CDH4: variants seen among roughly 807,000 people sequenced by gnomAD.
CDH4 encodes the protein cadherin 4, also known as cadherin-4.
Under a neutral mutation model 86.0 loss-of-function variants are expected in CDH4, and 33 were observed. The observed-to-expected ratio is 0.38, with a 90% CI of 0.29 to 0.51. CDH4 has a LOEUF of 0.51. Among genes scored for constraint, CDH4 ranks in the 20% least tolerant of loss-of-function variants. CDH4 has a pLI of 0.86. For missense variants in CDH4, 1,114 were observed against 1,307.4 expected (o/e 0.85, Z 2.28); for synonymous variants, 555 against 549.4 (o/e 1.01, Z -0.14).
intron 2 of CDH4, among the ~76,000 whole-genome samples, chr20:61,603,893 G>A (rs895920896): frequency 6.6e-6 from 1 of 152,140 alleles, no homozygotes; most frequent in African/African-American, 2.4e-5. Context: ...GTAAGCCCTG[G>A]GAGTGTTCAT....
At chr20:61,861,160 A>G (rs1342473304) in intron 6 of CDH4, among the ~76,000 whole-genome samples, 1 of 152,168 alleles carries the variant, frequency 6.6e-6, no homozygotes, top group East Asian at 1.9e-4. Context: ...GTCTCCACCG[A>G]CGATCCCTGC....
At chr20:61,675,355 C>T (rs1262543254) in intron 2 of CDH4, among the ~76,000 whole-genome samples, 1 of 61,982 alleles carries the variant, frequency 1.6e-5, no homozygotes, top group African/African-American at 6.7e-5. Context: ...AAACAACCAT[C>T]GTAGGGGCTG....
chr20:61,670,550 G>T (rs898364330), intron 2 of CDH4, among the ~76,000 whole-genome samples: 1 of 152,198 alleles, frequency 6.6e-6, no homozygotes, highest in South Asian at 2.1e-4. Context: ...AATACTGGAG[G>T]TACCATTGCC....
intron 2 of CDH4, among the ~76,000 whole-genome samples, chr20:61,661,091 G>A (rs1023587595): frequency 6.9e-6 from 1 of 144,054 alleles, no homozygotes; most frequent in East Asian, 2.0e-4. Context: ...TGGCGGGGGG[G>A]GGGGAGACAC....
chr20:61,479,485 A>G (rs886733652), intron 2 of CDH4, among the ~76,000 whole-genome samples: 2 of 152,026 alleles, frequency 1.3e-5, no homozygotes, highest in African/African-American at 2.4e-5. Context: ...GTTTGCTGCT[A>G]TAAAGACACA....
At chr20:61,256,130 G>A (rs1210653853) in intron 2 of CDH4, among the ~76,000 whole-genome samples, 1 of 152,150 alleles carries the variant, frequency 6.6e-6, no homozygotes, top group East Asian at 1.9e-4. Context: ...GTTAGAACGG[G>A]TAGGCCATTT....
At chr20:61,868,203 G>A (rs968055793) in intron 6 of CDH4, among the ~76,000 whole-genome samples, 5 of 152,224 alleles carry the variant, frequency 3.3e-5, no homozygotes, top group African/African-American at 9.6e-5. Context: ...GGGGTGCAGA[G>A]GGGGTTCGTC....
intron 2 of CDH4, among the ~76,000 whole-genome samples, chr20:61,647,732 T>C (rs1390900219): frequency 6.6e-6 from 1 of 152,072 alleles, no homozygotes; most frequent in African/African-American, 2.4e-5. Context: ...TGTGGGGTGC[T>C]TGCTCTGTAG....
intron 2 of CDH4, among the ~76,000 whole-genome samples, chr20:61,664,467 C>T (rs2087299769): frequency 6.6e-6 from 1 of 152,232 alleles, no homozygotes; most frequent in African/African-American, 2.4e-5. Context: ...TTGCAGCATT[C>T]TTCCTTGAAG....
At position 61,565,258 on chromosome 20, in the gene CDH4, T is replaced by TA. The variant is rs1206977191; in HGVS notation, c.170-178305_170-178304insA. On this transcript the variant is annotated intron_variant, in intron 2 of 15. Coordinates refer to ENST00000614565, the MANE Select transcript of CDH4 (RefSeq NM_001794.5). ...GTGGTGGTGGCGGTGCTCTTGGTGA[T>TA]GGTGGTGGTGGTCCTCTTGGTGATG... Among the ~76,000 whole-genome samples the TA allele has an allele frequency of 5.7e-4, 39 of 68,646 alleles. 1 individual carries two copies. Among genetic ancestry groups the TA allele is most frequent in the Non-Finnish European group, 8.0e-4 (26 of 32,536 alleles). 45.0% of individuals were successfully genotyped at this position (68,646 alleles called of 152,430 possible). A position where few individuals can be genotyped will look rare whatever the true frequency, so the allele number is the denominator to read the frequency against.
intron 2 of CDH4, among the ~76,000 whole-genome samples, chr20:61,680,138 C>T (rs1432323104): frequency 6.6e-6 from 1 of 152,228 alleles, no homozygotes; most frequent in East Asian, 1.9e-4. Flanking sequence ...TCTTTAAGCA[C>T]CCCAGGACCC....
chr20:61,803,642 G>T (rs1420947096), intron 4 of CDH4, among the ~76,000 whole-genome samples: 2 of 152,332 alleles, frequency 1.3e-5, no homozygotes, highest in East Asian at 3.9e-4. Flanking sequence ...CGGGATTCCA[G>T]TTACTCTGCA....
Position 61,676,981 on chromosome 20 carries a change from G to A in CDH4, c.170-66582G>A, listed in dbSNP as rs990637336. On this transcript the variant is annotated intron_variant, in intron 2 of 15. Transcript: ENST00000614565. This position sits in a 1 kb window ranked among gnomAD's most constrained non-coding sequence, Gnocchi z 4.5. ...ACCTTGGGGCAGGAGGGGCTGTGGT[G>A]TGGCCCCAGCAGAGCAGACCAGGAG... Among the ~76,000 whole-genome samples, 4 of 152,186 alleles carry A rather than the reference G, an allele frequency of 2.6e-5. No homozygotes were observed. Among genetic ancestry groups the A allele is most frequent in the Non-Finnish European group, 4.4e-5 (3 of 68,018 alleles).
intron 6 of CDH4, among the ~76,000 whole-genome samples, chr20:61,870,056 G>A (rs532789967): frequency 5.3e-5 from 8 of 152,284 alleles, no homozygotes; most frequent in East Asian, 1.9e-4. Context: ...AAGGGAGTAC[G>A]CGGGTCTCTG....
chr20:61,345,958 G>A (rs1351799151), intron 2 of CDH4, among the ~76,000 whole-genome samples: 1 of 152,216 alleles, frequency 6.6e-6, no homozygotes, highest in Non-Finnish European at 1.5e-5. Context: ...TATTTTGTAA[G>A]CATTCTGGCA....
intron 2 of CDH4, among the ~76,000 whole-genome samples, chr20:61,401,986 A>G (rs2085052110): frequency 1.3e-5 from 2 of 152,246 alleles, no homozygotes; most frequent in Admixed American, 1.3e-4. Context: ...CAGGTGTATC[A>G]CGGAGGCCAG....
intron 2 of CDH4, among the ~76,000 whole-genome samples, chr20:61,294,727 C>T (rs1232010515): frequency 6.6e-6 from 1 of 152,360 alleles, no homozygotes; most frequent in East Asian, 1.9e-4. Flanking sequence ...TCCTCTGGGC[C>T]GCCCTGGGGA....
chr20:61,503,699 C>G (rs549801858), intron 2 of CDH4, among the ~76,000 whole-genome samples: 1 of 152,290 alleles, frequency 6.6e-6, no homozygotes, highest in Admixed American at 6.5e-5. Context: ...GCCACATTCT[C>G]TATGCATTGG....
chr20:61,728,733 A>G (rs1432901637), intron 2 of CDH4, among the ~76,000 whole-genome samples: 4 of 152,248 alleles, frequency 2.6e-5, no homozygotes, highest in African/African-American at 4.8e-5. Context: ...ATGAGTGAAG[A>G]TTCAGGAAAC....
Sources: allele counts gnomAD v4.1 joint callset (sites outside exome capture counted in the v4.1 genomes callset), GRCh38; gene constraint gnomAD v4.1.1; non-coding constraint Gnocchi (gnomAD v3.1); transcripts MANE v1.5; gene names NCBI Gene and HGNC (gene_info 2026-07-23, HGNC 2026-07-21).